SNTG1: variants seen among roughly 807,000 people sequenced by gnomAD.
The protein encoded by SNTG1 is gamma-1-syntrophin.
SNTG1 carries 39 observed loss-of-function variants against 74.7 expected under a neutral mutation model. That is an observed-to-expected ratio of 0.52 (90% CI 0.40 to 0.68). The LOEUF (loss-of-function observed/expected upper bound fraction) is 0.68. Ranked by LOEUF, SNTG1 falls within the 30% of genes least tolerant of loss-of-function variation. The pLI, the probability that SNTG1 is intolerant of heterozygous loss-of-function variation, is 0.00. For missense variants in SNTG1, 685 were observed against 609.5 expected, an observed-to-expected ratio of 1.12 and a Z score of -1.30; for synonymous variants, 254 against 217.1, an observed-to-expected ratio of 1.17 and a Z score of -1.49.
intron 1 of SNTG1, among the ~76,000 whole-genome samples, chr8:50,009,286 G>T: frequency 6.6e-6 from 1 of 151,976 alleles, no homozygotes; most frequent in Non-Finnish European, 1.5e-5. Flanking sequence ...TTTAAATTTT[G>T]GATATTTGTG....
At chr8:50,559,303 T>C (rs1218660790) in intron 12 of SNTG1, among the ~76,000 whole-genome samples, 1 of 152,212 alleles carries the variant, frequency 6.6e-6, no homozygotes, top group East Asian at 1.9e-4. Context: ...GAAGCAAATG[T>C]AATTAGTATT....
chr8:50,166,770 G>A (rs1309850945), intron 1 of SNTG1, among the ~76,000 whole-genome samples: 6 of 138,680 alleles, frequency 4.3e-5, no homozygotes, highest in Non-Finnish European at 6.1e-5. Flanking sequence ...TCCCATTACT[G>A]GGTATATACC....
In SNTG1 at chr8:50,317,652, C is replaced by A. The variant is rs28606549; in HGVS notation, c.-27-76560C>A. Among the ~76,000 whole-genome samples, 789 of 152,216 alleles carry A rather than the reference C, an allele frequency of 5.2e-3. 5 individuals are homozygous for A. Among genetic ancestry groups the A allele is most frequent in the African/African-American group, 0.018 (750 of 41,556 alleles). ...AATCCTACCATAGGAAGAATTTGGT[C>A]TTTTTCATGTCTTCTCTGGAAAAGA... On this transcript the variant is annotated intron_variant, in intron 2 of 18. Transcript: ENST00000642720.
At chr8:50,075,483 T>A (rs1821777838) in intron 1 of SNTG1, among the ~76,000 whole-genome samples, 2 of 152,172 alleles carry the variant, frequency 1.3e-5, no homozygotes, top group Admixed American at 6.5e-5. Context: ...AACTCAGGGA[T>A]TGTAAACGCA....
chr8:50,671,231 G>T (rs1009248852), intron 15 of SNTG1, among the ~76,000 whole-genome samples: 33 of 151,866 alleles, frequency 2.2e-4, no homozygotes, highest in African/African-American at 7.5e-4. Context: ...CACAGCAAAA[G>T]AAACTACCAT....
At chr8:50,316,732 A>G (rs10957877) in intron 2 of SNTG1, among the ~76,000 whole-genome samples, 127,974 of 151,966 alleles carry the variant, frequency 0.84, 55,420 homozygotes, top group East Asian at 1. Flanking sequence ...GATTGCAGAG[A>G]GATATGTACA....
chr8:50,543,303 C>T (rs747458233), intron 11 of SNTG1, among the ~76,000 whole-genome samples: 5 of 152,140 alleles, frequency 3.3e-5, no homozygotes, highest in Non-Finnish European at 5.9e-5. Context: ...TATGGATCTT[C>T]AGTTTTCCCA....
chr8:50,174,593 C>T (rs62516686), intron 2 of SNTG1, among the ~76,000 whole-genome samples: 6 of 152,076 alleles, frequency 3.9e-5, no homozygotes, highest in Non-Finnish European at 8.8e-5. Context: ...CCATTATATA[C>T]CCAATGTTTT....
At chr8:50,004,630 C>T (rs375879711) in intron 1 of SNTG1, among the ~76,000 whole-genome samples, 2 of 152,168 alleles carry the variant, frequency 1.3e-5, no homozygotes, top group East Asian at 1.9e-4. Context: ...TAGCACTCCA[C>T]CCACTGACAA....
intron 9 of SNTG1, 61 bp from the exon 10 acceptor site, chr8:50,530,116 C>A: frequency 7.8e-7 from 1 of 1,285,934 alleles, no homozygotes; most frequent in African/African-American, 1.5e-5. Context: ...TAATGGAATG[C>A]ATCAGTTTAG....
intron 2 of SNTG1, among the ~76,000 whole-genome samples, chr8:50,325,202 T>A (rs1001692160): frequency 6.6e-6 from 1 of 151,598 alleles, no homozygotes; most frequent in African/African-American, 2.4e-5. Flanking sequence ...TTGCCCATTG[T>A]GTATCTTCTG....
chr8:50,693,461 G>C (rs1217487057), intron 15 of SNTG1, among the ~76,000 whole-genome samples: 1 of 151,980 alleles, frequency 6.6e-6, no homozygotes, highest in African/African-American at 2.4e-5. Context: ...CCCAACAGTA[G>C]GACACCTAAA....
intron 13 of SNTG1, among the ~76,000 whole-genome samples, chr8:50,593,550 A>C (rs761551878): frequency 2.3e-4 from 35 of 152,092 alleles, no homozygotes; most frequent in Admixed American, 3.3e-4. Flanking sequence ...AAAAAAACCT[A>C]CATTTAAAAT....
intron 1 of SNTG1, among the ~76,000 whole-genome samples, chr8:49,973,271 C>A (rs1184756066): frequency 6.6e-6 from 1 of 151,872 alleles, no homozygotes; most frequent in Non-Finnish European, 1.5e-5. Context: ...GGACAAAAAA[C>A]CAAACACCGC....
intron 8 of SNTG1, among the ~76,000 whole-genome samples, chr8:50,469,930 A>T (rs964148513): frequency 1.3e-5 from 2 of 152,190 alleles, no homozygotes; most frequent in Non-Finnish European, 2.9e-5. Flanking sequence ...ATGAGCCAAG[A>T]TGGTGCCACT....
intron 3 of SNTG1, among the ~76,000 whole-genome samples, chr8:50,397,777 G>A (rs1253187938): frequency 6.6e-6 from 1 of 152,114 alleles, no homozygotes; most frequent in African/African-American, 2.4e-5. Context: ...CTGTGTATGC[G>A]GGATAGCAGA....
chr8:50,649,255 G>A (rs1585954102), intron 13 of SNTG1, among the ~76,000 whole-genome samples: 2 of 152,176 alleles, frequency 1.3e-5, no homozygotes, highest in Admixed American at 1.3e-4. Context: ...CATGAGAAGT[G>A]AGGAGTCCGA....
At chr8:50,123,078 A>G (rs2081046825) in intron 1 of SNTG1, among the ~76,000 whole-genome samples, 1 of 142,394 alleles carries the variant, frequency 7.0e-6, no homozygotes, top group Non-Finnish European at 1.6e-5. Flanking sequence ...GTAGGTCACC[A>G]GAGTACAAAA....
At chr8:50,097,160 C>T (rs974317134) in intron 1 of SNTG1, among the ~76,000 whole-genome samples, 2 of 151,860 alleles carry the variant, frequency 1.3e-5, no homozygotes, top group East Asian at 1.9e-4. Context: ...TTAGTAGAGA[C>T]GCAGTTTCGT....
Sources: gnomAD v4.1 joint callset for allele counts (sites outside exome capture counted in the v4.1 genomes callset) on GRCh38, gnomAD v4.1.1 for gene constraint, MANE v1.5 for transcripts, NCBI Gene and HGNC (gene_info 2026-07-23, HGNC 2026-07-21) for gene names.